The following CSMD1 variants were observed in gnomAD, a reference collection of about 807,000 sequenced individuals.
CSMD1 encodes the protein CUB and sushi domain-containing protein 1.
CSMD1 carries 213 observed loss-of-function variants against 417.5 expected under a neutral mutation model. That is an observed-to-expected ratio of 0.51 (90% CI 0.46 to 0.57). The LOEUF is 0.57. Among genes scored for constraint, CSMD1 ranks in the 20% least tolerant of loss-of-function variants. CSMD1 has a pLI of 0.00. For synonymous variants in CSMD1, 2,862 were observed against 1,736.8 expected, an observed-to-expected ratio of 1.65 and a Z score of -16.11; for missense variants, 6,923 against 4,529.7, an observed-to-expected ratio of 1.53 and a Z score of -15.17.
At chr8:3,402,869 TA>T (rs1364905488) in intron 15 of CSMD1, among the ~76,000 whole-genome samples, 1 of 152,144 alleles carries the variant, frequency 6.6e-6, no homozygotes, top group East Asian at 1.9e-4. Context: ...TAAATTTCTT[TA>T]TTTTTTGATC....
chr8:3,103,499 C>T (rs890425160), intron 46 of CSMD1, among the ~76,000 whole-genome samples: 2 of 151,876 alleles, frequency 1.3e-5, no homozygotes, highest in African/African-American at 4.8e-5. Context: ...CACATCTGAA[C>T]TCATCTCAAC....
chr8:3,490,958 C>G (rs1563088162), intron 11 of CSMD1, among the ~76,000 whole-genome samples: 1 of 152,054 alleles, frequency 6.6e-6, no homozygotes, highest in South Asian at 2.1e-4. Context: ...TCATGTTCCA[C>G]TGAGGTTTAT....
intron 7 of CSMD1, among the ~76,000 whole-genome samples, chr8:3,677,741 T>G (rs1799451058): frequency 1.3e-5 from 2 of 152,158 alleles, no homozygotes; most frequent in African/African-American, 4.8e-5. Context: ...AAAAAAGCCC[T>G]AAACTTTGTA....
At position 3,851,605 on chromosome 8, in the gene CSMD1, T is replaced by C. The variant is rs570347974; in HGVS notation, c.819-97563A>G. Among the ~76,000 whole-genome samples the C allele has an allele frequency of 2.9e-4, 44 of 152,278 alleles. 1 individual carries two copies. The highest frequency in any genetic ancestry group is 8.7e-4 in the African/African-American group (36 of 41,550). ...AAGGGAGGGCAGGGTTGTCTCTACT[T>C]TCACTGGAGAAAAAAACATCCATTG... On this transcript the variant is annotated intron_variant, in intron 5 of 69. Transcript: ENST00000635120.
intron 2 of CSMD1, among the ~76,000 whole-genome samples, chr8:4,464,739 C>A (rs1470171435): frequency 2.0e-5 from 3 of 152,118 alleles, no homozygotes; most frequent in Admixed American, 6.5e-5. Context: ...GGATCATCAG[C>A]ATCCGTTGCT....
intron 3 of CSMD1, among the ~76,000 whole-genome samples, chr8:4,394,126 C>A (rs1585007027): frequency 6.6e-6 from 1 of 152,176 alleles, no homozygotes; most frequent in Non-Finnish European, 1.5e-5. Flanking sequence ...AGATTATCTT[C>A]TAAGTATTAT....
At chr8:3,677,011 G>C (rs1799409794) in intron 7 of CSMD1, among the ~76,000 whole-genome samples, 1 of 152,056 alleles carries the variant, frequency 6.6e-6, no homozygotes, top group Non-Finnish European at 1.5e-5. Flanking sequence ...TGCGGGGTTG[G>C]GGGCAAGGGG....
chr8:4,325,805 T>C (rs982277630), intron 3 of CSMD1, among the ~76,000 whole-genome samples: 1 of 152,144 alleles, frequency 6.6e-6, no homozygotes, highest in African/African-American at 2.4e-5. Context: ...TTTAAAATGC[T>C]GATGACCCTG....
intron 54 of CSMD1, among the ~76,000 whole-genome samples, chr8:2,980,325 C>T (rs573575913): frequency 6.6e-6 from 1 of 151,756 alleles, no homozygotes; most frequent in East Asian, 1.9e-4. Flanking sequence ...TCTCCTCCTC[C>T]TCCTCCTCCT....
chr8:4,072,370 T>C (rs1279869534), intron 3 of CSMD1, among the ~76,000 whole-genome samples: 1 of 152,184 alleles, frequency 6.6e-6, no homozygotes, highest in Non-Finnish European at 1.5e-5. Context: ...CAATAATAGC[T>C]ACCTGCCTTT....
chr8:3,910,905 C>A (rs762142590), intron 5 of CSMD1, among the ~76,000 whole-genome samples: 1 of 152,186 alleles, frequency 6.6e-6, no homozygotes, highest in African/African-American at 2.4e-5. Context: ...GCTTCCTACA[C>A]AGTATCTACA....
intron 1 of CSMD1, among the ~76,000 whole-genome samples, chr8:4,686,709 T>C (rs763303717): frequency 9.2e-5 from 14 of 152,228 alleles, no homozygotes; most frequent in Non-Finnish European, 1.6e-4. Flanking sequence ...CATAAATTTG[T>C]AGGCTTTTAA....
chr8:4,989,307 C>T lies in CSMD1; in HGVS notation c.85+5025G>A, dbSNP rs560172077. On this transcript the variant is annotated intron_variant, in intron 1 of 69. Transcript: ENST00000635120. ...AAAAAAAAAAATCTGCCCCTGGTTG[C>T]TGTGGTGGCTGTGCCACAGCGTCAG... is the stretch of plus-strand genomic sequence containing the variant. Among the ~76,000 whole-genome samples, 12 of 152,224 alleles carry T rather than the reference C, an allele frequency of 7.9e-5. No homozygotes were observed. The East Asian group carries it at 2.1e-3, about 27-fold the overall frequency.
intron 2 of CSMD1, among the ~76,000 whole-genome samples, chr8:4,622,854 A>C (rs1182763363): frequency 6.6e-6 from 1 of 152,172 alleles, no homozygotes; most frequent in Non-Finnish European, 1.5e-5. Context: ...GGTTGCCTCC[A>C]TAAAAATTTC....
chr8:3,040,071 C>T (rs1209792588), intron 50 of CSMD1, among the ~76,000 whole-genome samples: 2 of 152,118 alleles, frequency 1.3e-5, no homozygotes. Flanking sequence ...ATGGATTGGT[C>T]CAGAAGGCTC....
intron 11 of CSMD1, among the ~76,000 whole-genome samples, chr8:3,474,249 T>C (rs1294934880): frequency 6.6e-6 from 1 of 152,110 alleles, no homozygotes; most frequent in Non-Finnish European, 1.5e-5. Context: ...AATGAATGAA[T>C]ATAAATCGTC....
chr8:3,277,018 C>T (rs1324665266), intron 26 of CSMD1, among the ~76,000 whole-genome samples: 1 of 152,060 alleles, frequency 6.6e-6, no homozygotes, highest in Non-Finnish European at 1.5e-5. Context: ...CTAAAGAAAC[C>T]TTTGAATGTG....
intron 3 of CSMD1, among the ~76,000 whole-genome samples, chr8:4,243,830 G>A (rs1802542175): frequency 6.6e-6 from 1 of 152,172 alleles, no homozygotes; most frequent in South Asian, 2.1e-4. Flanking sequence ...AAACAAAGAT[G>A]TATAAGAAAA....
At chr8:3,857,667 T>A (rs1804407486) in intron 5 of CSMD1, among the ~76,000 whole-genome samples, 1 of 152,140 alleles carries the variant, frequency 6.6e-6, no homozygotes, top group South Asian at 2.1e-4. Flanking sequence ...TGAGTGGAAT[T>A]TTAATACACT....
Sources: allele counts gnomAD v4.1 joint callset (sites outside exome capture counted in the v4.1 genomes callset), GRCh38; gene constraint gnomAD v4.1.1; transcripts MANE v1.5; gene names NCBI Gene and HGNC (gene_info 2026-07-23, HGNC 2026-07-21).